Variants in CNTNAP4 observed in about 807,000 individuals in gnomAD.
CNTNAP4 encodes contactin-associated protein-like 4.
Under a neutral mutation model 148.4 loss-of-function variants are expected in CNTNAP4, and 98 were observed. The ratio of observed to expected loss-of-function variants is 0.66; its 90% CI spans 0.56 to 0.78. CNTNAP4 has a LOEUF of 0.78. CNTNAP4 is among the 30% of genes least tolerant of loss of function. The pLI, the probability that CNTNAP4 is intolerant of heterozygous loss-of-function variation, is 0.00. For missense variants in CNTNAP4, 1,935 were observed against 1,565.6 expected, an observed-to-expected ratio of 1.24 and a Z score of -3.98; for synonymous variants, 730 against 565.1, an observed-to-expected ratio of 1.29 and a Z score of -4.14.
At chr16:76,428,159 G>C (rs576071904) in intron 4 of CNTNAP4, among the ~76,000 whole-genome samples, 1 of 152,250 alleles carries the variant, frequency 6.6e-6, no homozygotes, top group South Asian at 2.1e-4. Flanking sequence ...AGAAACCACA[G>C]ATTTCACTTA....
intron 8 of CNTNAP4, among the ~76,000 whole-genome samples, chr16:76,459,635 T>A (rs1368116482): frequency 6.6e-6 from 1 of 152,240 alleles, no homozygotes; most frequent in Admixed American, 6.5e-5. Context: ...CACATATTTA[T>A]GTAAACTTCT....
intron 23 of CNTNAP4, 93 bp downstream of exon 23, chr16:76,554,000 C>CTTGGAGTATGTGCAG: frequency 7.6e-6 from 6 of 785,134 alleles, no homozygotes; most frequent in Non-Finnish European, 1.3e-5. Context: ...AGAATCTGCA[C>CTTGGAGTATGTGCAG]ATACTCCAAG....
intron 1 of CNTNAP4, among the ~76,000 whole-genome samples, chr16:76,284,491 G>T (rs77861429): frequency 0.012 from 1,838 of 152,014 alleles, 46 homozygotes; most frequent in African/African-American, 0.043. Context: ...TGAAAACACT[G>T]AAATGAAGTA....
At chr16:76,483,231 A>AACTTCAC (rs1167634774) in intron 12 of CNTNAP4, among the ~76,000 whole-genome samples, 120 of 140,112 alleles carry the variant, frequency 8.6e-4, no homozygotes, top group African/African-American at 2.8e-3. Context: ...AGTTTTAAGA[A>AACTTCAC]ACACACACAC....
chr16:76,303,123 C>A (rs1960154160), intron 1 of CNTNAP4, among the ~76,000 whole-genome samples: 1 of 152,168 alleles, frequency 6.6e-6, no homozygotes, highest in African/African-American at 2.4e-5. Flanking sequence ...ACACAATAAT[C>A]TTAGCTAATG....
intron 2 of CNTNAP4, among the ~76,000 whole-genome samples, chr16:76,317,843 A>G (rs965369039): frequency 6.6e-6 from 1 of 152,158 alleles, no homozygotes; most frequent in Non-Finnish European, 1.5e-5. Context: ...TTAAAATTTC[A>G]TTTCATATTA....
intron 3 of CNTNAP4, among the ~76,000 whole-genome samples, chr16:76,420,181 A>G (rs1444690964): frequency 1.3e-5 from 2 of 151,956 alleles, no homozygotes; most frequent in Non-Finnish European, 2.9e-5. Flanking sequence ...ATTCTAATAT[A>G]TTCTAACAGA....
At chr16:76,403,089 G>GT (rs1194979868) in intron 3 of CNTNAP4, among the ~76,000 whole-genome samples, 25 of 148,634 alleles carry the variant, frequency 1.7e-4, no homozygotes, top group African/African-American at 6.2e-4. Flanking sequence ...TTGTTGTTGG[G>GT]TTTTATTTTT....
At chr16:76,534,181 T>G (rs2084113838) in intron 17 of CNTNAP4, among the ~76,000 whole-genome samples, 1 of 152,200 alleles carries the variant, frequency 6.6e-6, no homozygotes, top group African/African-American at 2.4e-5. Context: ...TTCTCCCATT[T>G]CTATGTATAT....
intron 10 of CNTNAP4, among the ~76,000 whole-genome samples, chr16:76,471,781 C>G (rs184288868): frequency 3.2e-4 from 48 of 152,168 alleles, no homozygotes; most frequent in African/African-American, 7.7e-4. Context: ...CTTTTGGAGG[C>G]GAGGGCTAGG....
chr16:76,489,953 A>G (rs1209471224), intron 13 of CNTNAP4, 70 bp downstream of exon 13: 1 of 1,076,726 alleles, frequency 9.3e-7, no homozygotes, highest in Non-Finnish European at 1.3e-6. Context: ...GCTCCTGAGA[A>G]TTTTAAGTCT....
chr16:76,292,444 A>G (rs900352691), intron 1 of CNTNAP4, among the ~76,000 whole-genome samples: 2 of 152,182 alleles, frequency 1.3e-5, no homozygotes, highest in African/African-American at 4.8e-5. Flanking sequence ...CTTGTCATTT[A>G]TAGGCACAGC....
chr16:76,447,003 A>T (rs1410698498), intron 4 of CNTNAP4, among the ~76,000 whole-genome samples: 1 of 152,200 alleles, frequency 6.6e-6, no homozygotes, highest in Non-Finnish European at 1.5e-5. Context: ...AAGAAGAAAT[A>T]GCCTTTAATA....
chr16:76,401,736 G>A (rs1297816253), intron 3 of CNTNAP4, among the ~76,000 whole-genome samples: 2 of 152,064 alleles, frequency 1.3e-5, no homozygotes, highest in African/African-American at 4.8e-5. Flanking sequence ...GTTTATTGAG[G>A]ATTTTTTAAC....
At chr16:76,384,814 A>T (rs9319496) in intron 3 of CNTNAP4, among the ~76,000 whole-genome samples, 1 of 152,002 alleles carries the variant, frequency 6.6e-6, no homozygotes, top group Non-Finnish European at 1.5e-5. Context: ...TTAATTATCC[A>T]TATTTATAGC....
intron 21 of CNTNAP4, among the ~76,000 whole-genome samples, chr16:76,552,768 G>A (rs1247863699): frequency 6.6e-6 from 1 of 152,104 alleles, no homozygotes; most frequent in Non-Finnish European, 1.5e-5. Context: ...TTTGGGTGGG[G>A]CCATAAAATA....
chr16:76,404,907 A>C lies in CNTNAP4; in HGVS notation c.391-22545A>C, dbSNP rs188501038. Among the ~76,000 whole-genome samples the C allele has an allele frequency of 2.0e-5, 3 of 152,264 alleles. No homozygotes were observed. In the East Asian group the frequency reaches 5.8e-4, roughly 29 times the overall value. ...CATAACATAAAAATGGTAACTAATG[A>C]GGTGATGGGTGTATTCATTAGCTTG... On this transcript the variant is annotated intron_variant, in intron 3 of 23. Transcript: ENST00000611870.
At position 76,553,856 on chromosome 16, in the gene CNTNAP4, G is replaced by T; in HGVS notation, c.3682G>T (p.Asp1228Tyr). Residue 1228 changes from aspartate (D) to tyrosine (Y), a missense_variant, in exon 23 of 24, where the codon GAC becomes TAC. Physicochemically the swap from Asp to Tyr is radical, Grantham distance 160. Coordinates refer to ENST00000611870, the MANE Select transcript of CNTNAP4 (RefSeq NM_033401.5). ...SFADHSGTID[D>Y]REPLANAIKS... is the part of the protein sequence containing the mutation. ...TGCAGATCATTCTGGAACAATAGATGACAGAGAGCCCCTTGCTAATGCAAT... is the reference window on the plus strand; with the variant it reads ...TGCAGATCATTCTGGAACAATAGATTACAGAGAGCCCCTTGCTAATGCAAT... 2 of 1,612,000 alleles carry T rather than the reference G, an allele frequency of 1.2e-6. No individual in the cohort carries two copies. The highest frequency in any genetic ancestry group is 8.5e-7 in the Non-Finnish European group (1 of 1,178,356).
chr16:76,389,242 TA>T (rs777210446), intron 3 of CNTNAP4, among the ~76,000 whole-genome samples: 5 of 152,194 alleles, frequency 3.3e-5, no homozygotes, highest in Non-Finnish European at 7.4e-5. Flanking sequence ...ATTTGTCTCA[TA>T]TAGATGTTAA....
Sources: allele counts gnomAD v4.1 joint callset (sites outside exome capture counted in the v4.1 genomes callset), GRCh38; gene constraint gnomAD v4.1.1; transcripts MANE v1.5; gene names NCBI Gene and HGNC (gene_info 2026-07-23, HGNC 2026-07-21).